Variants in MLF1 observed in about 807,000 individuals in gnomAD.
The protein encoded by MLF1 is myelodysplasia-myeloid leukemia factor 1.
A neutral mutation model predicts 38.3 loss-of-function variants in MLF1; 37 were observed. That is an observed-to-expected ratio of 0.96 (90% CI 0.74 to 1.27). The LOEUF (loss-of-function observed/expected upper bound fraction) is 1.27. MLF1 is among the 50% of genes most tolerant of loss of function. The pLI, the probability that MLF1 is intolerant of heterozygous loss-of-function variation, is 0.00. For synonymous variants in MLF1, 95 were observed against 106.5 expected, an observed-to-expected ratio of 0.89 and a Z score of 0.66; for missense variants, 331 against 349.2, an observed-to-expected ratio of 0.95 and a Z score of 0.42.
At chr3:158,582,030 A>G (rs950455503) in intron 1 of MLF1, among the ~76,000 whole-genome samples, 5 of 152,120 alleles carry the variant, frequency 3.3e-5, no homozygotes, top group African/African-American at 9.7e-5. Context: ...AAATACAAAA[A>G]TTAGCCGGGC....
At chr3:158,588,895 A>T in intron 1 of MLF1, 2 of 456,650 alleles carry the variant, frequency 4.4e-6, no homozygotes, top group Non-Finnish European at 8.8e-6. Flanking sequence ...ACTGAAGCAC[A>T]AGAAGCCCTT....
At chr3:158,593,157 T>C (rs933447913) in intron 2 of MLF1, among the ~76,000 whole-genome samples, 4 of 152,008 alleles carry the variant, frequency 2.6e-5, no homozygotes, top group Admixed American at 6.6e-5. Context: ...AAACAGGATA[T>C]TTATATATTG....
At chr3:158,576,973 C>G (rs554027361) in intron 1 of MLF1, among the ~76,000 whole-genome samples, 1 of 152,178 alleles carries the variant, frequency 6.6e-6, no homozygotes, top group African/African-American at 2.4e-5. Context: ...ACCCAGCCAA[C>G]CTTAATTTTT....
intron 6 of MLF1, among the ~76,000 whole-genome samples, chr3:158,602,574 A>G (rs546173149): frequency 2.6e-5 from 4 of 152,222 alleles, no homozygotes; most frequent in Non-Finnish European, 4.4e-5. Flanking sequence ...TTATCCAGGC[A>G]GTTGAAAAAA....
At chr3:158,598,307 T>A in intron 5 of MLF1, 99 bp downstream of exon 5, 1 of 797,082 alleles carries the variant, frequency 1.3e-6, no homozygotes, top group Non-Finnish European at 1.7e-6. Flanking sequence ...TGGTACAAGA[T>A]GGTGGGGGGA....
chr3:158,583,225 T>C (rs746327921), intron 1 of MLF1, among the ~76,000 whole-genome samples: 3 of 152,188 alleles, frequency 2.0e-5, no homozygotes, highest in Non-Finnish European at 4.4e-5. Flanking sequence ...CACTTTCTTT[T>C]TGGATGATAG....
rs1719152224 is a variant in MLF1, at chr3:158,598,063, A to G, written c.325-17A>G. On this transcript the variant is annotated splice_polypyrimidine_tract_variant and intron_variant, in intron 4 of 7. Coordinates refer to ENST00000466246, the MANE Select transcript of MLF1 (RefSeq NM_001369783.1). Reference sequence around the variant, plus strand: ...TTATATTTGACTCGACTGAATTTACAATTTGTTTACCTGTAGGGTCAACTT... The same window carrying G: ...TTATATTTGACTCGACTGAATTTACGATTTGTTTACCTGTAGGGTCAACTT... 1 of 1,609,336 alleles carries G rather than the reference A, an allele frequency of 6.2e-7. No homozygotes were observed. Among genetic ancestry groups the G allele is most frequent in the Non-Finnish European group, 8.5e-7 (1 of 1,178,604 alleles).
intron 1 of MLF1, among the ~76,000 whole-genome samples, chr3:158,584,734 T>C (rs1411797988): frequency 2.0e-5 from 3 of 150,306 alleles, no homozygotes; most frequent in Admixed American, 6.7e-5. Flanking sequence ...CCCCTACCAA[T>C]AGAAAGTCTA....
chr3:158,580,367 T>A (rs1716149009), intron 1 of MLF1, among the ~76,000 whole-genome samples: 1 of 152,092 alleles, frequency 6.6e-6, no homozygotes, highest in Non-Finnish European at 1.5e-5. Flanking sequence ...GAATTACTAA[T>A]TTTAAAGTAA....
chr3:158,592,344 G>T, intron 1 of MLF1, 90 bp from the exon 2 acceptor site: 3 of 1,129,640 alleles, frequency 2.7e-6, no homozygotes, highest in Non-Finnish European at 3.7e-6. Context: ...AAACATATTA[G>T]CCCAAAATAA....
chr3:158,598,006 G>T, intron 4 of MLF1, 74 bp from the exon 5 acceptor site: 1 of 1,475,594 alleles, frequency 6.8e-7, no homozygotes, highest in Non-Finnish European at 9.4e-7. Context: ...AGCTAGTGTT[G>T]TTACTTATTT....
intron 1 of MLF1, among the ~76,000 whole-genome samples, chr3:158,591,563 C>A (rs946730750): frequency 1.3e-5 from 2 of 152,114 alleles, no homozygotes. Context: ...AGTGGAGAAT[C>A]TGAAAGGAGG....
chr3:158,583,089 G>A (rs1345135534), intron 1 of MLF1, among the ~76,000 whole-genome samples: 1 of 152,078 alleles, frequency 6.6e-6, no homozygotes, highest in Non-Finnish European at 1.5e-5. Flanking sequence ...CCGGCCTTAA[G>A]TCTGCTCAGT....
chr3:158,573,854 G>C (rs903027542), intron 1 of MLF1, among the ~76,000 whole-genome samples: 1 of 152,198 alleles, frequency 6.6e-6, no homozygotes, highest in Non-Finnish European at 1.5e-5. Flanking sequence ...GCCCAGGCTA[G>C]AGTGCAGTGG....
At position 158,605,847 on chromosome 3, in the gene MLF1, A is replaced by G. The variant is rs1218375359; in HGVS notation, c.*645A>G. ...TGGTTATAATTTATTTATAGAATGT[A>G]TCTTTTCTATATTACATTCTTAATA... On this transcript the variant is annotated 3_prime_UTR_variant, in exon 8 of 8. Coordinates refer to ENST00000466246, the MANE Select transcript of MLF1 (RefSeq NM_001369783.1). The G allele has an allele frequency of 5.6e-6, 1 of 179,574 alleles. No homozygotes were observed. Among genetic ancestry groups the G allele is most frequent in the East Asian group, 9.3e-5 (1 of 10,734 alleles). 11.1% of individuals were successfully genotyped at this position (179,574 alleles called of 1,614,324 possible). A position where few individuals can be genotyped will look rare whatever the true frequency, so the allele number is the denominator to read the frequency against.
chr3:158,605,084 G>T lies in MLF1; in HGVS notation c.747-13G>T. On this transcript the variant is annotated splice_polypyrimidine_tract_variant and intron_variant, in intron 7 of 7. Coordinates refer to ENST00000466246, the MANE Select transcript of MLF1 (RefSeq NM_001369783.1). ...TTTTAAATGATATTAATATTCACAT[G>T]TATATTTCTCAGGGAGAAACCTCAA... 1 of 1,583,998 alleles carries T rather than the reference G, an allele frequency of 6.3e-7. No homozygotes were observed. Among genetic ancestry groups the T allele is most frequent in the Non-Finnish European group, 8.7e-7 (1 of 1,155,290 alleles).
chr3:158,601,870 G>A (rs1463510721), intron 6 of MLF1, among the ~76,000 whole-genome samples: 1 of 144,042 alleles, frequency 6.9e-6, no homozygotes. Flanking sequence ...GTGCAGTGGT[G>A]CAGTGGTGTG....
At chr3:158,600,196 T>A in intron 6 of MLF1, 23 bp downstream of exon 6, 1 of 1,344,916 alleles carries the variant, frequency 7.4e-7, no homozygotes, top group Non-Finnish European at 9.7e-7. Context: ...AAAAAAATAA[T>A]ATTCTTTCTT....
intron 7 of MLF1, among the ~76,000 whole-genome samples, chr3:158,604,687 T>C (rs901348868): frequency 1.3e-5 from 2 of 152,044 alleles, no homozygotes; most frequent in African/African-American, 4.8e-5. Context: ...GGGTACAGAG[T>C]CTGGCTCTGT....
Sources: allele counts gnomAD v4.1 joint callset (sites outside exome capture counted in the v4.1 genomes callset), GRCh38; gene constraint gnomAD v4.1.1; transcripts MANE v1.5; gene names NCBI Gene and HGNC (gene_info 2026-07-23, HGNC 2026-07-21).